Variants in KHDRBS2 observed in about 807,000 individuals in gnomAD.
KHDRBS2 encodes the protein KH RNA binding domain containing, signal transduction associated 2, also known as KH domain-containing, RNA-binding, signal transduction-associated protein 2.
In KHDRBS2, 26 loss-of-function variants were observed where a neutral mutation model predicts 44.3. That is an observed-to-expected ratio of 0.59 (90% CI 0.43 to 0.81). The LOEUF (loss-of-function observed/expected upper bound fraction) is 0.81. Among genes scored for constraint, KHDRBS2 ranks in the 40% least tolerant of loss-of-function variants. The pLI, the probability that KHDRBS2 is intolerant of heterozygous loss-of-function variation, is 0.00. For missense variants in KHDRBS2, 476 were observed against 433.1 expected (o/e 1.10, Z -0.88); for synonymous variants, 194 against 151.1 (o/e 1.28, Z -2.08).
intron 4 of KHDRBS2, among the ~76,000 whole-genome samples, chr6:61,952,437 C>G (rs1188226674): frequency 3.3e-5 from 5 of 151,974 alleles, no homozygotes; most frequent in Non-Finnish European, 7.4e-5. Context: ...CCAGTTTGGA[C>G]ATTTAGAACT....
intron 7 of KHDRBS2, among the ~76,000 whole-genome samples, chr6:61,714,717 T>TA (rs999327688): frequency 6.6e-6 from 1 of 151,872 alleles, no homozygotes; most frequent in South Asian, 2.1e-4. Context: ...TACTCATCCA[T>TA]AAAAAAGAAT....
At chr6:61,606,127 C>T in the KHDRBS2 span, among the ~76,000 whole-genome samples, 1 of 152,164 alleles carries the variant, frequency 6.6e-6, no homozygotes, top group Non-Finnish European at 1.5e-5. Context: ...TTTCCACTAC[C>T]CATCCAAATC....
At chr6:61,579,047 G>A in the KHDRBS2 span, among the ~76,000 whole-genome samples, 4 of 152,146 alleles carry the variant, frequency 2.6e-5, no homozygotes, top group South Asian at 6.2e-4. Context: ...CAGAAAGAGA[G>A]GGAGGTGGGC....
At chr6:61,712,299 A>G (rs910765551) in intron 7 of KHDRBS2, among the ~76,000 whole-genome samples, 1 of 151,896 alleles carries the variant, frequency 6.6e-6, no homozygotes, top group Non-Finnish European at 1.5e-5. Flanking sequence ...GAAGAACTGT[A>G]GCCAAGAATA....
intron 4 of KHDRBS2, among the ~76,000 whole-genome samples, chr6:61,967,556 T>C (rs1410610549): frequency 1.3e-5 from 2 of 151,790 alleles, no homozygotes; most frequent in African/African-American, 2.4e-5. Flanking sequence ...GCAAGAGCTA[T>C]TATAGCAAAC....
chr6:62,094,322 C>T (rs1800111533), intron 2 of KHDRBS2, among the ~76,000 whole-genome samples: 1 of 151,718 alleles, frequency 6.6e-6, no homozygotes, highest in African/African-American at 2.4e-5. Flanking sequence ...GTCTCCTGTT[C>T]ATTTGTATGT....
chr6:61,922,401 C>T (rs554317214), intron 4 of KHDRBS2, among the ~76,000 whole-genome samples: 43 of 152,084 alleles, frequency 2.8e-4, no homozygotes, highest in African/African-American at 2.6e-4. Context: ...CACTGTTGAC[C>T]GTCAAGGGAG....
At chr6:61,990,034 G>C (rs1562594156) in intron 3 of KHDRBS2, among the ~76,000 whole-genome samples, 1 of 152,148 alleles carries the variant, frequency 6.6e-6, no homozygotes, top group Non-Finnish European at 1.5e-5. Context: ...GTTGCCCACA[G>C]TTTTAACTTG....
intron 8 of KHDRBS2, among the ~76,000 whole-genome samples, chr6:61,692,413 TAA>T (rs1220274139): frequency 9.2e-5 from 14 of 151,774 alleles, no homozygotes; most frequent in Admixed American, 7.9e-4. Flanking sequence ...TATATGTTAA[TAA>T]GTCATTTATA....
intron 4 of KHDRBS2, among the ~76,000 whole-genome samples, chr6:61,904,608 T>C (rs1236635458): frequency 6.6e-6 from 1 of 152,162 alleles, no homozygotes; most frequent in African/African-American, 2.4e-5. Flanking sequence ...GATAACCAAA[T>C]GTAGTTAAAT....
At chr6:61,664,290 AT>A in the KHDRBS2 span, among the ~76,000 whole-genome samples, 3 of 151,800 alleles carry the variant, frequency 2.0e-5, no homozygotes, top group African/African-American at 7.2e-5. Context: ...ATGAGAAAAA[AT>A]GACTTCTGAA....
chr6:62,146,050 T>C (rs1247268351), intron 2 of KHDRBS2, among the ~76,000 whole-genome samples: 2 of 151,834 alleles, frequency 1.3e-5, no homozygotes, highest in Non-Finnish European at 2.9e-5. Flanking sequence ...ATTTGGCAAT[T>C]ATGTTAATAA....
the KHDRBS2 span, among the ~76,000 whole-genome samples, chr6:61,548,027 C>T: frequency 1.3e-5 from 2 of 152,224 alleles, no homozygotes; most frequent in African/African-American, 2.4e-5. Context: ...CCAACTCTGA[C>T]TGATCATTCC....
intron 4 of KHDRBS2, among the ~76,000 whole-genome samples, chr6:61,928,119 T>C (rs2127364383): frequency 6.6e-6 from 1 of 152,224 alleles, no homozygotes; most frequent in African/African-American, 2.4e-5. Flanking sequence ...CCTTATTATA[T>C]AAAATGCTGA....
At chr6:61,869,938 G>A (rs1025118173) in intron 6 of KHDRBS2, among the ~76,000 whole-genome samples, 3 of 148,990 alleles carry the variant, frequency 2.0e-5, no homozygotes, top group African/African-American at 7.6e-5. Flanking sequence ...AGCCATTCGG[G>A]TAGACACCGA....
At chr6:62,083,525 C>G (rs1797818635) in intron 2 of KHDRBS2, among the ~76,000 whole-genome samples, 1 of 152,162 alleles carries the variant, frequency 6.6e-6, no homozygotes. Context: ...GACAGCAAAA[C>G]TAAAGGAGCA....
chr6:61,592,215 G>T, the KHDRBS2 span, among the ~76,000 whole-genome samples: 5 of 145,716 alleles, frequency 3.4e-5, no homozygotes, highest in African/African-American at 1.3e-4. Context: ...AAAAAAAGAG[G>T]AAAGAGAAGA....
Position 62,177,200 on chromosome 6 carries a change from G to C in KHDRBS2, c.204C>G (p.Val68=), listed in dbSNP as rs61753609. 433 of 1,577,922 alleles carry C rather than the reference G, an allele frequency of 2.7e-4. 1 individual carries two copies. Among genetic ancestry groups the C allele is most frequent in the Non-Finnish European group, 3.6e-4 (419 of 1,150,756 alleles). Residue 68 remains valine (V), a synonymous_variant, in exon 2 of 9, where the codon GTC becomes GTG. Coordinates refer to ENST00000281156, the MANE Select transcript of KHDRBS2 (RefSeq NM_152688.4). ...ATGGTAGTACCTTTGGATACTGCTTGACAGGAATCAGTACTCTTTCTGAGA... is the reference window on the plus strand; with the variant it reads ...ATGGTAGTACCTTTGGATACTGCTTCACAGGAATCAGTACTCTTTCTGAGA... ...IKLSERVLIP[V]KQYPKFNFVG... is the part of the protein sequence containing the mutation.
At chr6:62,086,218 A>G (rs548434829) in intron 2 of KHDRBS2, among the ~76,000 whole-genome samples, 2 of 152,228 alleles carry the variant, frequency 1.3e-5, no homozygotes, top group Admixed American at 1.3e-4. Context: ...CTTTGACAGG[A>G]ATTGTTTTGA....
Sources: allele counts gnomAD v4.1 joint callset (sites outside exome capture counted in the v4.1 genomes callset), GRCh38; gene constraint gnomAD v4.1.1; transcripts MANE v1.5; gene names NCBI Gene and HGNC (gene_info 2026-07-23, HGNC 2026-07-21).